CSNK1G3: variants seen among roughly 807,000 people sequenced by gnomAD.
CSNK1G3 encodes the protein casein kinase I isoform gamma-3.
In CSNK1G3, 23 loss-of-function variants were observed where a neutral mutation model predicts 64.3. The observed-to-expected ratio is 0.36, with a 90% CI of 0.26 to 0.51. The LOEUF (loss-of-function observed/expected upper bound fraction) is 0.51, where lower values mean the gene tolerates loss of function less well. CSNK1G3 is among the 20% of genes least tolerant of loss of function. CSNK1G3 has a pLI of 0.96. For missense variants in CSNK1G3, 357 were observed against 510.5 expected (o/e 0.70, Z 2.90); for synonymous variants, 158 against 162.2 (o/e 0.97, Z 0.20).
chr5:123,545,233 A>G (rs111591205), intron 1 of CSNK1G3, among the ~76,000 whole-genome samples, 184 bp from the exon 2 acceptor site: 138 of 152,200 alleles, frequency 9.1e-4, no homozygotes, highest in African/African-American at 3.1e-3. Flanking sequence ...TTTGTTTCGT[A>G]TCTTTGTTAT....
At chr5:123,592,165 G>A (rs1792491556) in intron 10 of CSNK1G3, among the ~76,000 whole-genome samples, 1 of 152,044 alleles carries the variant, frequency 6.6e-6, no homozygotes, top group Non-Finnish European at 1.5e-5. Flanking sequence ...CTTTTGACAT[G>A]AACCTAAAGA....
chr5:123,512,837 G>A (rs1019234973), intron 1 of CSNK1G3, among the ~76,000 whole-genome samples: 2 of 151,934 alleles, frequency 1.3e-5, no homozygotes, highest in Non-Finnish European at 2.9e-5. Context: ...CGGGTGGCGG[G>A]TCGGGCTGGG....
chr5:123,565,236 A>G (rs1786614655), intron 4 of CSNK1G3, among the ~76,000 whole-genome samples: 1 of 152,184 alleles, frequency 6.6e-6, no homozygotes, highest in Non-Finnish European at 1.5e-5. Context: ...CAAGTCCCAT[A>G]GTCTCTGGAA....
chr5:123,585,548 G>A (rs1262093153), intron 6 of CSNK1G3, among the ~76,000 whole-genome samples: 1 of 152,118 alleles, frequency 6.6e-6, no homozygotes, highest in Admixed American at 6.5e-5. Context: ...TTTTCTTGAA[G>A]GGAAAAGGTA....
intron 1 of CSNK1G3, among the ~76,000 whole-genome samples, chr5:123,527,210 T>C (rs1779245177): frequency 6.6e-6 from 1 of 152,194 alleles, no homozygotes; most frequent in South Asian, 2.1e-4. Flanking sequence ...ATGAATGCAA[T>C]CTTCATTGTG....
chr5:123,578,947 T>C (rs1789703563), intron 6 of CSNK1G3, among the ~76,000 whole-genome samples: 1 of 152,026 alleles, frequency 6.6e-6, no homozygotes, highest in South Asian at 2.1e-4. Flanking sequence ...CTTTTAGATA[T>C]TATTCTGCTT....
intron 1 of CSNK1G3, 147 bp downstream of exon 1, chr5:123,512,717 T>G (rs1166507688): frequency 3.9e-5 from 5 of 129,382 alleles, no homozygotes; most frequent in African/African-American, 1.2e-4. Context: ...CAGGCGCGGG[T>G]GTCGGGGGAG....
chr5:123,613,924 A>T (rs1748992520), intron 12 of CSNK1G3, among the ~76,000 whole-genome samples: 1 of 152,092 alleles, frequency 6.6e-6, no homozygotes. Context: ...ACTAGTGTAT[A>T]TTGGAGTGTC....
At chr5:123,595,196 T>G (rs1242196424) in intron 10 of CSNK1G3, 62 bp downstream of exon 11, 37 of 1,390,524 alleles carry the variant, frequency 2.7e-5, no homozygotes, top group Non-Finnish European at 3.6e-5. Flanking sequence ...CCCTTTTTTT[T>G]GGAACTCATG....
At chr5:123,545,430 T>G in exon 2 of CSNK1G3, 1 of 377,968 alleles carries the variant, frequency 2.6e-6, no homozygotes, top group Non-Finnish European at 4.8e-6. Context: ...TCTATCAATA[T>G]CAGCTCACAT....
intron 1 of CSNK1G3, among the ~76,000 whole-genome samples, chr5:123,520,885 T>G (rs1490034850): frequency 6.6e-6 from 1 of 152,124 alleles, no homozygotes; most frequent in South Asian, 2.1e-4. Context: ...TTTTTTTTCT[T>G]TACACCCACT....
chr5:123,514,387 A>G (rs917299050), intron 1 of CSNK1G3, among the ~76,000 whole-genome samples: 6 of 152,238 alleles, frequency 3.9e-5, no homozygotes, highest in Admixed American at 1.3e-4. Flanking sequence ...AAAGGCATTT[A>G]TTACTTCCTT....
chr5:123,591,523 G>A (rs553875413), intron 10 of CSNK1G3, 109 bp downstream of exon 10: 38 of 567,274 alleles, frequency 6.7e-5, no homozygotes, highest in Admixed American at 4.6e-4. Flanking sequence ...ATTTTTAATA[G>A]ATAATCTATT....
At chr5:123,541,264 T>C (rs1464660931) in intron 1 of CSNK1G3, among the ~76,000 whole-genome samples, 2 of 152,248 alleles carry the variant, frequency 1.3e-5, no homozygotes, top group African/African-American at 2.4e-5. Flanking sequence ...TGAATTGATA[T>C]TTTTATCATT....
At chr5:123,566,518 C>T (rs928143306) in intron 4 of CSNK1G3, among the ~76,000 whole-genome samples, 1 of 152,064 alleles carries the variant, frequency 6.6e-6, no homozygotes, top group African/African-American at 2.4e-5. Context: ...CCTCTTTTTC[C>T]TTACCTCTCC....
chr5:123,564,929 A>T (rs1293712204), intron 4 of CSNK1G3, among the ~76,000 whole-genome samples: 1 of 152,170 alleles, frequency 6.6e-6, no homozygotes, highest in East Asian at 1.9e-4. Flanking sequence ...GGATTCTTTT[A>T]TGCTCTTACC....
chr5:123,607,233 C>T (rs968470508), intron 12 of CSNK1G3, among the ~76,000 whole-genome samples: 1 of 152,168 alleles, frequency 6.6e-6, no homozygotes, highest in Non-Finnish European at 1.5e-5. Flanking sequence ...TTTGCAGCTC[C>T]GTTTTCCATT....
chr5:123,547,801 T>C (rs1782834815), intron 2 of CSNK1G3, among the ~76,000 whole-genome samples: 1 of 152,178 alleles, frequency 6.6e-6, no homozygotes, highest in Admixed American at 6.6e-5. Flanking sequence ...TTTAATCATT[T>C]ATTCTTCCTT....
intron 1 of CSNK1G3, among the ~76,000 whole-genome samples, chr5:123,543,942 A>G (rs1782104075): frequency 6.6e-6 from 1 of 152,180 alleles, no homozygotes; most frequent in Non-Finnish European, 1.5e-5. Context: ...ATTAGGGAAA[A>G]GGAGTCAGGC....
Sources: allele counts gnomAD v4.1 joint callset (sites outside exome capture counted in the v4.1 genomes callset), GRCh38; gene constraint gnomAD v4.1.1; transcripts MANE v1.5; gene names NCBI Gene and HGNC (gene_info 2026-07-23, HGNC 2026-07-21).